CFAP210: variants seen among roughly 807,000 people sequenced by gnomAD.
CFAP210 encodes cilia- and flagella- associated protein 210.
chr2:169,647,373 A>G, the CFAP210 span, among the ~76,000 whole-genome samples: 1 of 152,316 alleles, frequency 6.6e-6, no homozygotes, highest in East Asian at 1.9e-4. Flanking sequence ...GGAACATATG[A>G]TTGGTACCTC....
chr2:169,661,043 C>A, the CFAP210 span: 1 of 511,952 alleles, frequency 2.0e-6, no homozygotes, highest in Admixed American at 2.2e-5. Flanking sequence ...TTAGCAGAAG[C>A]CTGTTCTTGC....
At chr2:169,654,103 C>G in the CFAP210 span, 1 of 1,609,968 alleles carries the variant, frequency 6.2e-7, no homozygotes, top group Non-Finnish European at 8.5e-7. Context: ...TTTTCTTTCC[C>G]CATTTGTATA....
the CFAP210 span, chr2:169,659,346 G>T: frequency 6.5e-6 from 1 of 153,748 alleles, no homozygotes; most frequent in African/African-American, 2.4e-5. Context: ...AAGAAAAGAG[G>T]TTTAAATAGG....
the CFAP210 span, among the ~76,000 whole-genome samples, chr2:169,681,811 A>G: frequency 6.6e-6 from 1 of 152,252 alleles, no homozygotes; most frequent in Non-Finnish European, 1.5e-5. Flanking sequence ...CAACTTTTAG[A>G]AAAGTTCTTC....
At chr2:169,651,871 G>A in the CFAP210 span, among the ~76,000 whole-genome samples, 1 of 125,492 alleles carries the variant, frequency 8.0e-6, no homozygotes, top group African/African-American at 3.4e-5. Context: ...ACACTATAAG[G>A]TTCCTTTTTT....
chr2:169,685,179 G>A, the CFAP210 span, among the ~76,000 whole-genome samples: 11 of 152,166 alleles, frequency 7.2e-5, no homozygotes, highest in African/African-American at 2.7e-4. Flanking sequence ...TTTTGAGAAA[G>A]TACCAAATTG....
the CFAP210 span, chr2:169,645,822 T>A: frequency 6.6e-7 from 1 of 1,512,200 alleles, no homozygotes; most frequent in Non-Finnish European, 9.1e-7. Flanking sequence ...GTCTTCTCAA[T>A]GTTAAAAATA....
At chr2:169,650,384 TTTTCTC>T in the CFAP210 span, 1,604 of 1,605,946 alleles carry the variant, frequency 1.0e-3, 20 homozygotes, top group African/African-American at 0.019. Flanking sequence ...TTTTTCATCT[TTTTCTC>T]TTTCTCTTTT....
At chr2:169,661,104 A>T in the CFAP210 span, 2 of 555,158 alleles carry the variant, frequency 3.6e-6, no homozygotes, top group South Asian at 2.8e-5. Flanking sequence ...CTCCCTGAAG[A>T]CCTTTTAATG....
chr2:169,654,080 T>C, the CFAP210 span: 1 of 1,609,200 alleles, frequency 6.2e-7, no homozygotes, highest in Non-Finnish European at 8.5e-7. Flanking sequence ...CCTACCTGTG[T>C]GTTTCAGCCT....
the CFAP210 span, among the ~76,000 whole-genome samples, chr2:169,672,193 TATA>T: frequency 2.0e-5 from 3 of 152,232 alleles, no homozygotes; most frequent in African/African-American, 4.8e-5. Context: ...TAAACAAATA[TATA>T]ATAATAGATT....
the CFAP210 span, among the ~76,000 whole-genome samples, chr2:169,646,441 T>G: frequency 1.3e-5 from 2 of 152,140 alleles, no homozygotes; most frequent in South Asian, 4.1e-4. Context: ...AATTATGAAA[T>G]TTAGATAAAA....
the CFAP210 span, among the ~76,000 whole-genome samples, chr2:169,664,749 G>T: frequency 6.6e-6 from 1 of 152,244 alleles, no homozygotes; most frequent in South Asian, 2.1e-4. Context: ...CAATGCATTG[G>T]GAAGCCTCCA....
chr2:169,659,794 C>G, the CFAP210 span, among the ~76,000 whole-genome samples: 1 of 152,196 alleles, frequency 6.6e-6, no homozygotes, highest in Non-Finnish European at 1.5e-5. Flanking sequence ...AGTTTCTTTA[C>G]TGGAAGACTT....
the CFAP210 span, among the ~76,000 whole-genome samples, chr2:169,657,538 C>T: frequency 3.3e-5 from 5 of 151,928 alleles, no homozygotes; most frequent in Non-Finnish European, 5.9e-5. Context: ...GTCAACATGG[C>T]GAAACCCTGT....
At chr2:169,688,646 C>A in the CFAP210 span, among the ~76,000 whole-genome samples, 1 of 152,166 alleles carries the variant, frequency 6.6e-6, no homozygotes, top group African/African-American at 2.4e-5. Flanking sequence ...CAAGAATCAC[C>A]TTTACTCCAG....
the CFAP210 span, among the ~76,000 whole-genome samples, chr2:169,684,907 T>G: frequency 6.6e-6 from 1 of 152,162 alleles, no homozygotes. Context: ...CCACCTGCCT[T>G]GGCCTCCCAA....
At chr2:169,674,626 T>G in the CFAP210 span, 1 of 1,610,156 alleles carries the variant, frequency 6.2e-7, no homozygotes, top group Non-Finnish European at 8.5e-7. Context: ...GTCGTTTTTC[T>G]GCTTTTTCTT....
At chr2:169,661,767 A>G in the CFAP210 span, among the ~76,000 whole-genome samples, 1 of 152,246 alleles carries the variant, frequency 6.6e-6, no homozygotes, top group Non-Finnish European at 1.5e-5. Flanking sequence ...GCACTCCCTT[A>G]GAAACCCAAC....
Sources: allele counts gnomAD v4.1 joint callset (sites outside exome capture counted in the v4.1 genomes callset), GRCh38; gene constraint gnomAD v4.1.1; transcripts MANE v1.5; gene names NCBI Gene and HGNC (gene_info 2026-07-23, HGNC 2026-07-21).